Variants in PDZRN3 observed in about 807,000 individuals in gnomAD.
PDZRN3 encodes PDZ domain containing ring finger 3.
A neutral mutation model predicts 85.7 loss-of-function variants in PDZRN3; 38 were observed. The observed-to-expected ratio is 0.44, with a 90% CI of 0.34 to 0.58. The LOEUF is 0.58. Ranked by LOEUF, PDZRN3 falls within the 20% of genes least tolerant of loss-of-function variation. The pLI is 0.01. For missense variants in PDZRN3, 1,629 were observed against 1,506.4 expected, an observed-to-expected ratio of 1.08 and a Z score of -1.35; for synonymous variants, 759 against 638.0, an observed-to-expected ratio of 1.19 and a Z score of -2.86.
chr3:73,492,651 G>T (rs373583909), intron 3 of PDZRN3, among the ~76,000 whole-genome samples: 1 of 152,188 alleles, frequency 6.6e-6, no homozygotes, highest in African/African-American at 2.4e-5. Context: ...TGGTACTGAG[G>T]CCCTGCTGCT....
At chr3:73,611,271 A>G (rs568950472) in intron 1 of PDZRN3, among the ~76,000 whole-genome samples, 2 of 152,316 alleles carry the variant, frequency 1.3e-5, no homozygotes, top group Admixed American at 1.3e-4. Flanking sequence ...TTACTGAACT[A>G]TTTATCTCCA....
chr3:73,396,350 C>T (rs1324408275), intron 5 of PDZRN3, among the ~76,000 whole-genome samples: 1 of 152,184 alleles, frequency 6.6e-6, no homozygotes, highest in Non-Finnish European at 1.5e-5. Flanking sequence ...CACTGCCACG[C>T]AGGCCGAGGT....
intron 3 of PDZRN3, among the ~76,000 whole-genome samples, chr3:73,597,615 G>T (rs1702449419): frequency 6.6e-6 from 1 of 151,862 alleles, no homozygotes; most frequent in Non-Finnish European, 1.5e-5. Context: ...AATGAGCTTG[G>T]TTCTCCAAGC....
At chr3:73,549,447 CAA>C (rs1701501571) in intron 3 of PDZRN3, among the ~76,000 whole-genome samples, 1 of 152,130 alleles carries the variant, frequency 6.6e-6, no homozygotes, top group Non-Finnish European at 1.5e-5. Context: ...GCCCAAATCC[CAA>C]GTCTTTGGAC....
At chr3:73,571,633 C>G (rs533225317) in intron 3 of PDZRN3, among the ~76,000 whole-genome samples, 223 of 152,298 alleles carry the variant, frequency 1.5e-3, no homozygotes, top group African/African-American at 5.0e-3. Flanking sequence ...CAGAGGGCCA[C>G]ATACCTTTTC....
chr3:73,580,513 G>A (rs1200830973), intron 3 of PDZRN3, among the ~76,000 whole-genome samples: 1 of 152,120 alleles, frequency 6.6e-6, no homozygotes, highest in Admixed American at 6.5e-5. Flanking sequence ...ATTACTCTTT[G>A]CATTATGCCT....
chr3:73,393,489 A>C (rs905808211), intron 5 of PDZRN3, among the ~76,000 whole-genome samples: 8 of 152,178 alleles, frequency 5.3e-5, no homozygotes, highest in African/African-American at 1.9e-4. Context: ...GACTTGTCTC[A>C]CTGGACAAGG....
chr3:73,561,324 C>T (rs1194369740), intron 3 of PDZRN3: 1 of 152,198 alleles, frequency 6.6e-6, no homozygotes, highest in Non-Finnish European at 1.5e-5. Context: ...TAGACAAACT[C>T]CCATACTTTA....
chr3:73,492,414 G>T (rs975163723), intron 3 of PDZRN3, among the ~76,000 whole-genome samples: 1 of 152,086 alleles, frequency 6.6e-6, no homozygotes, highest in African/African-American at 2.4e-5. Flanking sequence ...TGGCCCTAGG[G>T]GGCATTTGAA....
chr3:73,416,876 G>GTTT (rs146381615), intron 3 of PDZRN3, among the ~76,000 whole-genome samples: 1,152 of 110,028 alleles, frequency 0.01, 67 homozygotes, highest in Non-Finnish European at 0.015. Context: ...TTTTTTTTTG[G>GTTT]TTTTTTTTTT....
chr3:73,566,595 C>T (rs111580749), intron 3 of PDZRN3, among the ~76,000 whole-genome samples: 1,885 of 152,210 alleles, frequency 0.012, 32 homozygotes, highest in African/African-American at 0.04. Context: ...CTCTTTGCTG[C>T]CTTTCCTTTG....
chr3:73,387,934 T>C (rs758667773), intron 8 of PDZRN3, 34 bp downstream of exon 8: 31 of 997,140 alleles, frequency 3.1e-5, no homozygotes, highest in Non-Finnish European at 4.2e-5. Flanking sequence ...TTTAGAAATA[T>C]AGACCCAGTT....
chr3:73,398,072 G>A (rs1701675747), intron 5 of PDZRN3, among the ~76,000 whole-genome samples: 1 of 152,066 alleles, frequency 6.6e-6, no homozygotes, highest in Non-Finnish European at 1.5e-5. Flanking sequence ...AAATAAACAC[G>A]AATATAAAGT....
At chr3:73,468,744 A>G (rs1037534608) in intron 3 of PDZRN3, among the ~76,000 whole-genome samples, 5 of 152,154 alleles carry the variant, frequency 3.3e-5, no homozygotes, top group Admixed American at 6.5e-5. Context: ...TGACTGATGC[A>G]AAAGTGCACC....
chr3:73,433,885 G>T, intron 3 of PDZRN3: 1 of 1,430,374 alleles, frequency 7.0e-7, no homozygotes, highest in Non-Finnish European at 9.1e-7. Flanking sequence ...CCCCTTCCAC[G>T]CTTCCCTTCC....
intron 3 of PDZRN3, among the ~76,000 whole-genome samples, chr3:73,587,943 T>C (rs1702301056): frequency 6.6e-6 from 1 of 152,208 alleles, no homozygotes; most frequent in African/African-American, 2.4e-5. Context: ...TTAACACTAC[T>C]TGTTTTTTAA....
chr3:73,452,299 A>G (rs1442589754), intron 3 of PDZRN3, among the ~76,000 whole-genome samples: 1 of 152,190 alleles, frequency 6.6e-6, no homozygotes, highest in Non-Finnish European at 1.5e-5. Context: ...TGGGGTCACT[A>G]AAGAGAGTAA....
chr3:73,502,246 G>A (rs1172400017), intron 3 of PDZRN3, among the ~76,000 whole-genome samples: 1 of 152,174 alleles, frequency 6.6e-6, no homozygotes, highest in Non-Finnish European at 1.5e-5. Context: ...TCACAATGAA[G>A]AATCATGGCA....
intron 3 of PDZRN3, among the ~76,000 whole-genome samples, chr3:73,474,199 T>C (rs1007962895): frequency 1.3e-5 from 2 of 152,164 alleles, no homozygotes; most frequent in Admixed American, 6.5e-5. Flanking sequence ...CTTTCAGAAG[T>C]TGCTATGGTT....
Sources: allele counts gnomAD v4.1 joint callset (sites outside exome capture counted in the v4.1 genomes callset), GRCh38; gene constraint gnomAD v4.1.1; transcripts MANE v1.5; gene names NCBI Gene and HGNC (gene_info 2026-07-23, HGNC 2026-07-21).